The following ESR2 variants were observed in gnomAD, a reference collection of about 807,000 sequenced individuals.
ESR2 encodes estrogen receptor 2.
ESR2 carries 36 observed loss-of-function variants against 49.6 expected under a neutral mutation model. The observed-to-expected ratio is 0.73, with a 90% CI of 0.56 to 0.96. The LOEUF is 0.96. ESR2 is among the 40% of genes least tolerant of loss of function. The pLI, the probability that ESR2 is intolerant of heterozygous loss-of-function variation, is 0.00. For missense variants in ESR2, 714 were observed against 693.0 expected (o/e 1.03, Z -0.34); for synonymous variants, 320 against 266.1 (o/e 1.20, Z -1.97).
In ESR2 at chr14:64,252,674, A is replaced by G. The variant is rs564992278; in HGVS notation, c.1092-2995T>C. Among the ~76,000 whole-genome samples the G allele has an allele frequency of 3.4e-4, 52 of 152,242 alleles. No individual in the cohort carries two copies. The South Asian group carries it at 0.01, about 30-fold the overall frequency. ...CTGAGCAAGACAGCCGGGAGCTGCC[A>G]AACACTTTTAAAGCATAAGCTCCTG... On this transcript the variant is annotated intron_variant, in intron 6 of 8. Coordinates refer to ENST00000341099, the MANE Select transcript of ESR2 (RefSeq NM_001437.3).
rs2098731102 is a variant in ESR2 at position 64,234,999 on chromosome 14, CAGG to C, written c.1374_1376del (p.Leu459del). Reference sequence around the variant, plus strand: ...CATGCCTGACGTGGGACAGGAGCATCAGGAGGTTAGCCAGGCGCATGGATTGCT... The same window carrying C: ...CATGCCTGACGTGGGACAGGAGCATCAGGTTAGCCAGGCGCATGGATTGCT... On this transcript the variant is annotated inframe_deletion, in exon 8 of 9. Transcript: ENST00000341099. The C allele has an allele frequency of 1.2e-6, 2 of 1,614,096 alleles. No individual in the cohort carries two copies. The highest frequency in any genetic ancestry group is 1.7e-5 in the Admixed American group (1 of 60,006).
chr14:64,281,886 G>A (rs59677654), intron 2 of ESR2, among the ~76,000 whole-genome samples: 2,865 of 152,136 alleles, frequency 0.019, 75 homozygotes, highest in East Asian at 0.087. Flanking sequence ...TTCATGCTTC[G>A]CATGTCTAGA....
At chr14:64,292,013 A>C (rs1463428570) in intron 1 of ESR2, among the ~76,000 whole-genome samples, 2 of 152,204 alleles carry the variant, frequency 1.3e-5, no homozygotes, top group Admixed American at 6.5e-5. Context: ...ATAACTAATG[A>C]TATATGCCAT....
At chr14:64,236,897 C>T (rs571111150) in intron 7 of ESR2, among the ~76,000 whole-genome samples, 3 of 152,136 alleles carry the variant, frequency 2.0e-5, no homozygotes, top group Admixed American at 2.0e-4. Context: ...CCCACACACA[C>T]CCCACAGCCA....
chr14:64,306,798 T>C (rs551262515), intron 1 of ESR2, among the ~76,000 whole-genome samples: 11 of 152,316 alleles, frequency 7.2e-5, no homozygotes, highest in Admixed American at 6.5e-4. Context: ...CTAGGATGAA[T>C]TGGGAAGTAT....
upstream of ESR2, among the ~76,000 whole-genome samples, chr14:64,298,704 T>G (rs1033894600): frequency 6.6e-6 from 1 of 152,228 alleles, no homozygotes; most frequent in Non-Finnish European, 1.5e-5. Context: ...AAGCAGCACC[T>G]GCAGCCAACT....
downstream of ESR2, chr14:64,228,040 C>T (rs1012867857): frequency 1.4e-6 from 2 of 1,460,798 alleles, no homozygotes; most frequent in Non-Finnish European, 1.8e-6. Flanking sequence ...CTTGTATACA[C>T]AGGACCTGTG....
intron 7 of ESR2, among the ~76,000 whole-genome samples, chr14:64,240,449 G>A (rs755400291): frequency 6.6e-5 from 10 of 152,164 alleles, no homozygotes; most frequent in South Asian, 4.1e-4. Flanking sequence ...TTGGTTCCCC[G>A]CTTGGTGGTA....
At chr14:64,268,301 C>T (rs1188376924) in intron 4 of ESR2, among the ~76,000 whole-genome samples, 2 of 152,316 alleles carry the variant, frequency 1.3e-5, no homozygotes, top group East Asian at 3.9e-4. Flanking sequence ...CTGACTCCTA[C>T]ATATTTTTCT....
chr14:64,310,759 C>T (rs1036527060), intron 1 of ESR2, among the ~76,000 whole-genome samples: 1 of 152,080 alleles, frequency 6.6e-6, no homozygotes, highest in Admixed American at 6.6e-5. Context: ...CATGAGCCAC[C>T]GCGCCAGAGA....
intron 5 of ESR2, among the ~76,000 whole-genome samples, chr14:64,258,850 G>A (rs1325147542): frequency 6.6e-6 from 1 of 152,146 alleles, no homozygotes; most frequent in African/African-American, 2.4e-5. Context: ...ATCAAGGCTA[G>A]ATGATATTTT....
chr14:64,319,785 G>A (rs2077303587), intron 1 of ESR2, among the ~76,000 whole-genome samples: 1 of 152,152 alleles, frequency 6.6e-6, no homozygotes, highest in East Asian at 1.9e-4. Context: ...ACCAAATGCT[G>A]GTGAGGATGT....
At chr14:64,306,167 A>G (rs2077094886) in intron 1 of ESR2, among the ~76,000 whole-genome samples, 1 of 151,630 alleles carries the variant, frequency 6.6e-6, no homozygotes, top group Non-Finnish European at 1.5e-5. Flanking sequence ...CCGCCATTGC[A>G]CTCCAGCCTG....
chr14:64,311,265 A>T (rs1313629205), intron 1 of ESR2, among the ~76,000 whole-genome samples: 1 of 152,196 alleles, frequency 6.6e-6, no homozygotes, highest in Non-Finnish European at 1.5e-5. Flanking sequence ...CTCTAACTTA[A>T]ATTTGTGTTT....
At chr14:64,242,523 A>C (rs1299771876) in intron 7 of ESR2, among the ~76,000 whole-genome samples, 1 of 151,354 alleles carries the variant, frequency 6.6e-6, no homozygotes, top group Non-Finnish European at 1.5e-5. Context: ...ATTGATTTTC[A>C]AATGTTAAAG....
At chr14:64,299,134 G>T (rs2076993850), upstream of ESR2, among the ~76,000 whole-genome samples, 1 of 151,182 alleles carries the variant, frequency 6.6e-6, no homozygotes, top group African/African-American at 2.4e-5. Flanking sequence ...GTCAGCCAGT[G>T]TAATATTCCC....
chr14:64,227,330 G>C (rs561209885), downstream of ESR2: 1 of 618,378 alleles, frequency 1.6e-6, no homozygotes, highest in Non-Finnish European at 2.8e-6. Flanking sequence ...AAGAGAATCC[G>C]TCTTCACTTT....
intron 1 of ESR2, among the ~76,000 whole-genome samples, chr14:64,290,283 T>C (rs1221649614): frequency 1.3e-5 from 2 of 152,116 alleles, no homozygotes. Context: ...GTTGCCCAGA[T>C]TGATCTTGAA....
At chr14:64,298,123 A>C (rs374417219), upstream of ESR2, among the ~76,000 whole-genome samples, 11 of 152,352 alleles carry the variant, frequency 7.2e-5, no homozygotes, top group African/African-American at 2.6e-4. Flanking sequence ...GACATTTGAA[A>C]CTTGAATTTG....
Sources: allele counts gnomAD v4.1 joint callset (sites outside exome capture counted in the v4.1 genomes callset), GRCh38; gene constraint gnomAD v4.1.1; transcripts MANE v1.5; gene names NCBI Gene and HGNC (gene_info 2026-07-23, HGNC 2026-07-21).